The following MCF2L variants were observed in gnomAD, a reference collection of about 807,000 sequenced individuals.
MCF2L encodes guanine nucleotide exchange factor DBS.
In MCF2L, 97 loss-of-function variants were observed where a neutral mutation model predicts 153.4. That is an observed-to-expected ratio of 0.63 (90% CI 0.54 to 0.75). The LOEUF (loss-of-function observed/expected upper bound fraction) is 0.75, where lower values mean the gene tolerates loss of function less well. Ranked by LOEUF, MCF2L falls within the 30% of genes least tolerant of loss-of-function variation. The pLI is 0.00. For missense variants in MCF2L, 1,347 were observed against 1,495.2 expected (o/e 0.90, Z 1.64); for synonymous variants, 659 against 632.2 (o/e 1.04, Z -0.64).
At chr13:113,090,434 CCT>C in intron 26 of MCF2L, 1 of 469,296 alleles carries the variant, frequency 2.1e-6, no homozygotes, top group Non-Finnish European at 2.8e-6. Flanking sequence ...CCTTCCTCTC[CCT>C]GCCCCCCACC....
In MCF2L at chr13:112,904,884, C is replaced by A. The variant is rs2081157097; in HGVS notation, c.169+2513C>A. Among the ~76,000 whole-genome samples, 1 of 152,216 alleles carries A rather than the reference C, an allele frequency of 6.6e-6. No homozygotes were observed. Among genetic ancestry groups the A allele is most frequent in the Non-Finnish European group, 1.5e-5 (1 of 68,038 alleles). On this transcript the variant is annotated intron_variant, in intron 2 of 29. Coordinates refer to the MCF2L transcript ENST00000375608. This position sits in a 1 kb window ranked among gnomAD's most constrained non-coding sequence, Gnocchi z 4.2. ...TGGTGGTGATGAAACCTGTTTGTATCAGAACAATTTCGAAATCAGTGATAG... is the reference window on the plus strand; with the variant it reads ...TGGTGGTGATGAAACCTGTTTGTATAAGAACAATTTCGAAATCAGTGATAG...
At chr13:113,087,034 C>T (rs1486794160) in intron 21 of MCF2L, among the ~76,000 whole-genome samples, 1 of 152,188 alleles carries the variant, frequency 6.6e-6, no homozygotes, top group African/African-American at 2.4e-5. Context: ...GCCCATGTGC[C>T]CCGCCAGTCC....
chr13:113,087,525 G>A (rs985003587), intron 22 of MCF2L, 69 bp downstream of exon 22: 4 of 1,338,308 alleles, frequency 3.0e-6, no homozygotes, highest in African/African-American at 1.4e-5. Flanking sequence ...TCTGTAACTC[G>A]GTCTGAGGTG....
chr13:113,019,726 G>A (rs953811776), intron 2 of MCF2L, among the ~76,000 whole-genome samples: 3 of 152,218 alleles, frequency 2.0e-5, no homozygotes, highest in African/African-American at 7.2e-5. Context: ...TTGGGGAGGT[G>A]AGGCCTTTGG....
intron 24 of MCF2L, 70 bp downstream of exon 24, chr13:113,088,475 C>T: frequency 6.2e-7 from 1 of 1,605,590 alleles, no homozygotes; most frequent in Non-Finnish European, 8.5e-7. Flanking sequence ...ATGTTCAGAG[C>T]AACCGCACAG....
rs1313047263 is a variant in MCF2L, at chr13:113,027,343, C to A, written c.278+2585C>A. On this transcript the variant is annotated intron_variant, in intron 3 of 29. Transcript: ENST00000535094. The surrounding 1 kb of genome is among the most constrained non-coding windows in gnomAD (Gnocchi z 4.8). ...CCTCAAGGAGAGGGAGAGCGGTGGGCACCTCTGTCCACTTGGCGGGTTGAG... is the reference window on the plus strand; with the variant it reads ...CCTCAAGGAGAGGGAGAGCGGTGGGAACCTCTGTCCACTTGGCGGGTTGAG... Among the ~76,000 whole-genome samples the A allele has an allele frequency of 6.6e-6, 1 of 152,052 alleles. No homozygotes were observed. Among genetic ancestry groups the A allele is most frequent in the Non-Finnish European group, 1.5e-5 (1 of 68,014 alleles).
chr13:113,063,516 C>T (rs138099351), intron 5 of MCF2L, among the ~76,000 whole-genome samples: 14 of 149,386 alleles, frequency 9.4e-5, no homozygotes, highest in African/African-American at 2.7e-4. Flanking sequence ...AGCGTTCAGG[C>T]GCCCCTGTCC....
Position 113,078,616 on chromosome 13 carries a change from C to A in MCF2L, c.1735-50C>A, listed in dbSNP as rs1347809735. On this transcript the variant is annotated intron_variant, in intron 14 of 29. Coordinates refer to ENST00000535094, the MANE Select transcript of MCF2L (RefSeq NM_001112732.3). Reference sequence around the variant, plus strand: ...GTGGGCTCTGGCCTTGAGAGTTGGCCCTTGAGGTTCCGTCCCGCCTTTCAG... The same window carrying A: ...GTGGGCTCTGGCCTTGAGAGTTGGCACTTGAGGTTCCGTCCCGCCTTTCAG... The A allele has an allele frequency of 1.9e-6, 3 of 1,542,542 alleles. No individual in the cohort carries two copies. In the African/African-American group the frequency reaches 4.1e-5, roughly 21 times the overall value.
chr13:112,941,395 T>TA lies in MCF2L; in HGVS notation c.169+39025dup, dbSNP rs2081573779. On this transcript the variant is annotated intron_variant, in intron 2 of 29. Coordinates refer to the MCF2L transcript ENST00000375608. The surrounding 1 kb of genome is among the most constrained non-coding windows in gnomAD (Gnocchi z 4.9). Reference sequence around the variant, plus strand: ...ATATTTGAATATATTATATAATTTCTATTTGAAATAAAATTCCTTGTACAT... The same window carrying TA: ...ATATTTGAATATATTATATAATTTCTAATTTGAAATAAAATTCCTTGTACAT... 6.6e-6 allele frequency among the ~76,000 whole-genome samples: 1 copy of TA among 150,728 alleles called. No homozygotes were observed. The highest frequency in any genetic ancestry group is 2.1e-4 in the South Asian group (1 of 4,802).
chr13:113,006,618 A>T (rs1424775727), intron 1 of MCF2L, among the ~76,000 whole-genome samples: 79 of 152,308 alleles, frequency 5.2e-4, no homozygotes, highest in Non-Finnish European at 2.9e-5. Context: ...AGTGGCTGGG[A>T]GAGCAGGCGC....
At chr13:113,047,820 A>G (rs112842970) in intron 4 of MCF2L, among the ~76,000 whole-genome samples, 18 of 116,562 alleles carry the variant, frequency 1.5e-4, no homozygotes, top group East Asian at 4.5e-4. Context: ...CTCTGCTCAC[A>G]CCTCGCTACG....
At chr13:113,007,971 C>T (rs764179452) in intron 1 of MCF2L, among the ~76,000 whole-genome samples, 3 of 145,696 alleles carry the variant, frequency 2.1e-5, no homozygotes, top group Non-Finnish European at 3.0e-5. Context: ...GGCTGGAGTG[C>T]AGTGGCACAA....
chr13:113,020,356 C>T (rs1222260832), intron 2 of MCF2L, among the ~76,000 whole-genome samples: 1 of 152,246 alleles, frequency 6.6e-6, no homozygotes, highest in African/African-American at 2.4e-5. Context: ...AGTCGTCACA[C>T]CCTTGGTCAC....
chr13:113,054,070 G>A lies in MCF2L; in HGVS notation c.370-6523G>A, dbSNP rs573010189. On this transcript the variant is annotated intron_variant, in intron 4 of 29. Transcript: ENST00000535094. This position sits in a 1 kb window ranked among gnomAD's most constrained non-coding sequence, Gnocchi z 5.2. ...GAGGTTCTGGGGCTTGGCTTGAGCT[G>A]CGGGGTGAGTGTGGGAGAGACGGCG... 6.6e-6 allele frequency among the ~76,000 whole-genome samples: 1 copy of A among 152,250 alleles called. No homozygotes were observed. Among genetic ancestry groups the A allele is most frequent in the African/African-American group, 2.4e-5 (1 of 41,544 alleles).
At chr13:113,088,190 T>C (rs2034823968) in intron 23 of MCF2L, 137 bp from the exon 24 acceptor site, 2 of 799,556 alleles carry the variant, frequency 2.5e-6, no homozygotes, top group Non-Finnish European at 4.4e-6. Flanking sequence ...CCACAGTGCT[T>C]TCCTCCTCTC....
At chr13:113,038,717 A>G (rs1447938641) in intron 3 of MCF2L, among the ~76,000 whole-genome samples, 1 of 152,166 alleles carries the variant, frequency 6.6e-6, no homozygotes, top group Admixed American at 6.6e-5. Context: ...TGAAGAAAAA[A>G]GTTGAAAGCT....
rs1017962997 is a variant in MCF2L, at chr13:113,054,681, T to G, written c.370-5912T>G. The G allele has an allele frequency of 3.3e-5, 5 of 152,242 alleles. No homozygotes were observed. The East Asian group carries it at 9.6e-4, about 29-fold the overall frequency. The allele number at this position is 152,242 out of a possible 1,614,324, so 9.4% of individuals were successfully genotyped here. A position where few individuals can be genotyped will look rare whatever the true frequency, so the allele number is the denominator to read the frequency against. ...GGAGCAGACCTTAAGGAAGGTGATT[T>G]GAACTTGGGGAGGGTTTTTCAAACA... On this transcript the variant is annotated intron_variant, in intron 4 of 29. Coordinates refer to ENST00000535094, the MANE Select transcript of MCF2L (RefSeq NM_001112732.3). The surrounding 1 kb of genome is among the most constrained non-coding windows in gnomAD (Gnocchi z 5.2).
chr13:113,049,352 T>A (rs1015188336), intron 4 of MCF2L, among the ~76,000 whole-genome samples: 1 of 44,432 alleles, frequency 2.3e-5, no homozygotes, highest in African/African-American at 9.1e-5. Flanking sequence ...AAGGGGTGGG[T>A]GGTGGGGCTG....
rs1455908762 is a variant in MCF2L at position 112,957,415 on chromosome 13, C to T, written c.169+55044C>T. The T allele has an allele frequency of 5.3e-5, 8 of 152,300 alleles. 1 individual carries two copies. The highest frequency in any genetic ancestry group is 1.9e-4 in the African/African-American group (8 of 41,564). The allele number at this position is 152,300 out of a possible 1,614,324, so 9.4% of individuals were successfully genotyped here. On this transcript the variant is annotated intron_variant, in intron 2 of 29. Transcript: ENST00000375608. ...TTTTTGGCCCACTTTCTTCATAGAACGATAGAGATTTAGGATCTTACTGCC... is the reference window on the plus strand; with the variant it reads ...TTTTTGGCCCACTTTCTTCATAGAATGATAGAGATTTAGGATCTTACTGCC...
Sources: allele counts gnomAD v4.1 joint callset (sites outside exome capture counted in the v4.1 genomes callset), GRCh38; gene constraint gnomAD v4.1.1; non-coding constraint Gnocchi (gnomAD v3.1); transcripts MANE v1.5; gene names NCBI Gene and HGNC (gene_info 2026-07-23, HGNC 2026-07-21).